SYT1: variants seen among roughly 807,000 people sequenced by gnomAD.
SYT1 encodes synaptotagmin-1.
SYT1 carries 8 observed loss-of-function variants against 44.8 expected under a neutral mutation model. That is an observed-to-expected ratio of 0.18 (90% CI 0.10 to 0.32). SYT1 has a LOEUF of 0.32. SYT1 is among the 10% of genes least tolerant of loss of function. SYT1 has a pLI of 1.00. For missense variants in SYT1, 286 were observed against 509.3 expected (o/e 0.56, Z 4.22); for synonymous variants, 154 against 188.8 (o/e 0.82, Z 1.51).
At chr12:79,129,316 GA>G in intron 3 of SYT1, among the ~76,000 whole-genome samples, 1 of 152,320 alleles carries the variant, frequency 6.6e-6, no homozygotes, top group Non-Finnish European at 1.5e-5. Flanking sequence ...GAAAGGCTAT[GA>G]GATGCAATGG....
chr12:79,115,050 A>C (rs1879205368), intron 3 of SYT1, among the ~76,000 whole-genome samples: 1 of 152,196 alleles, frequency 6.6e-6, no homozygotes, highest in Admixed American at 6.5e-5. Context: ...TTAAAGTTGA[A>C]AATGCTGCAA....
intron 2 of SYT1, among the ~76,000 whole-genome samples, chr12:79,013,234 G>C (rs1260208187): frequency 6.6e-6 from 1 of 151,350 alleles, no homozygotes; most frequent in Non-Finnish European, 1.5e-5. Context: ...ATTGTGTGTT[G>C]GTGTGTGTGT....
chr12:78,885,876 C>T (rs927752697), intron 1 of SYT1, among the ~76,000 whole-genome samples: 1 of 151,856 alleles, frequency 6.6e-6, no homozygotes, highest in East Asian at 1.9e-4. Context: ...AGGGTGGAAA[C>T]AAGAAGGGAA....
chr12:79,329,450 T>G (rs545677768), intron 8 of SYT1, among the ~76,000 whole-genome samples: 1 of 152,316 alleles, frequency 6.6e-6, no homozygotes, highest in East Asian at 1.9e-4. Context: ...TACACAAAGT[T>G]GGATAAAACA....
At chr12:79,406,212 T>C (rs1016752347) in intron 9 of SYT1, among the ~76,000 whole-genome samples, 4 of 152,106 alleles carry the variant, frequency 2.6e-5, no homozygotes, top group African/African-American at 9.7e-5. Context: ...GGACAGGTGG[T>C]CAGATACTTC....
At position 79,193,190 on chromosome 12, in the gene SYT1, C is replaced by T. The variant is rs950023895; in HGVS notation, c.-17-24313C>T. Among the ~76,000 whole-genome samples the T allele has an allele frequency of 2.6e-5, 4 of 152,262 alleles. No individual in the cohort carries two copies. The South Asian group carries it at 8.3e-4, about 32-fold the overall frequency. On this transcript the variant is annotated intron_variant, in intron 3 of 10. Coordinates refer to ENST00000261205, the MANE Select transcript of SYT1 (RefSeq NM_005639.3). The stretch of plus-strand genomic sequence containing the variant: ...TAGGGTTGAGCTAGACACTACCTAA[C>T]TCTCAAGGAGTTTACAGTATGACTT...
chr12:79,037,104 C>G (rs1468575335), intron 2 of SYT1, among the ~76,000 whole-genome samples: 1 of 151,818 alleles, frequency 6.6e-6, no homozygotes, highest in Non-Finnish European at 1.5e-5. Flanking sequence ...CAAAGCCCCC[C>G]CAGGTACAAT....
chr12:79,143,818 G>A (rs551140367), intron 3 of SYT1, among the ~76,000 whole-genome samples: 1 of 152,242 alleles, frequency 6.6e-6, no homozygotes, highest in Admixed American at 6.5e-5. Context: ...ACTGATTACA[G>A]GCCTGTGGTT....
At position 79,217,635 on chromosome 12, in the gene SYT1, C is replaced by T; in HGVS notation, c.116C>T (p.Ala39Val). 3.1e-6 allele frequency: 5 copies of T among 1,613,120 alleles called. No homozygotes were observed. The highest frequency in any genetic ancestry group is 4.2e-6 in the Non-Finnish European group (5 of 1,179,564). Residue 39 changes from alanine (A) to valine (V), a missense_variant, in exon 4 of 11, where the codon GCA (alanine) becomes GTA (valine). Physicochemically the swap from Ala to Val is moderately conservative, Grantham distance 64. Coordinates refer to ENST00000261205, the MANE Select transcript of SYT1 (RefSeq NM_005639.3). ...AGTCCTGGAGAAGGAAAGGAAGATG[C>T]ATTTTCTAAGCTGAAGGAGAAGTTT... Reference protein sequence around the residue: ...PASPGEGKEDAFSKLKEKFMN... With the variant: ...PASPGEGKEDVFSKLKEKFMN...
At chr12:79,073,854 TCTTCATATATA>T (rs1393256352) in intron 3 of SYT1, among the ~76,000 whole-genome samples, 2 of 152,168 alleles carry the variant, frequency 1.3e-5, no homozygotes, top group African/African-American at 4.8e-5. Flanking sequence ...CACCTATCTG[TCTTCATATATA>T]GCTTACTTAT....
chr12:78,909,819 G>A (rs1006951641), intron 1 of SYT1, among the ~76,000 whole-genome samples: 4 of 151,932 alleles, frequency 2.6e-5, no homozygotes, highest in Middle Eastern at 3.4e-3. Context: ...TACTGCAATC[G>A]AATACCATGT....
intron 1 of SYT1, among the ~76,000 whole-genome samples, chr12:78,920,944 G>C (rs1360776481): frequency 6.6e-6 from 1 of 151,728 alleles, no homozygotes; most frequent in African/African-American, 2.4e-5. Context: ...TCAGACTTGA[G>C]TCCATAGTTT....
At chr12:79,439,790 A>T (rs1870298338) in intron 9 of SYT1, among the ~76,000 whole-genome samples, 1 of 152,184 alleles carries the variant, frequency 6.6e-6, no homozygotes, top group African/African-American at 2.4e-5. Flanking sequence ...AGCTAGAAAA[A>T]AGCAGAGCCA....
rs545728394 is a variant in SYT1 at position 79,218,690 on chromosome 12, C to T, written c.166+1005C>T. 2.6e-5 allele frequency among the ~76,000 whole-genome samples: 4 copies of T among 152,252 alleles called. 1 individual carries two copies. The highest frequency in any genetic ancestry group is 4.1e-4 in the South Asian group (2 of 4,828). On this transcript the variant is annotated intron_variant, in intron 4 of 10. Coordinates refer to ENST00000261205, the MANE Select transcript of SYT1 (RefSeq NM_005639.3). ...TTCACCAGGTTCATTCATGTTGTCA[C>T]GAATACCACGATTTCATTTTTTTAT...
At chr12:79,106,445 A>T (rs145866331) in intron 3 of SYT1, among the ~76,000 whole-genome samples, 78 of 152,212 alleles carry the variant, frequency 5.1e-4, no homozygotes, top group African/African-American at 1.9e-3. Flanking sequence ...AAACATTTTA[A>T]CTCAGATATT....
intron 5 of SYT1, among the ~76,000 whole-genome samples, chr12:79,289,520 A>G (rs1228002524): frequency 1.3e-5 from 2 of 152,204 alleles, no homozygotes; most frequent in Admixed American, 6.6e-5. Flanking sequence ...ATAATTGCAG[A>G]GATGGTCCTG....
intron 1 of SYT1, among the ~76,000 whole-genome samples, chr12:78,882,462 C>T (rs1199610420): frequency 6.6e-6 from 1 of 151,604 alleles, no homozygotes; most frequent in Non-Finnish European, 1.5e-5. Context: ...ATGGCTGACT[C>T]TTTAAAAATA....
rs912726543 is a variant in SYT1 at position 79,299,376 on chromosome 12, T to C, written c.643-8T>C. On this transcript the variant is annotated splice_region_variant and splice_polypyrimidine_tract_variant and intron_variant, in intron 7 of 10. Transcript: ENST00000261205. The stretch of plus-strand genomic sequence containing the variant: ...CTGGATATTTTATCCTCATGTCTTT[T>C]AATTTAGGTACCATACTCGGAATTG... The C allele has an allele frequency of 1.2e-6, 2 of 1,611,902 alleles. No homozygotes were observed. The highest frequency in any genetic ancestry group is 1.7e-4 in the Middle Eastern group (1 of 6,044).
intron 3 of SYT1, among the ~76,000 whole-genome samples, chr12:79,056,174 T>G (rs1429696854): frequency 6.6e-6 from 1 of 152,022 alleles, no homozygotes; most frequent in Non-Finnish European, 1.5e-5. Flanking sequence ...TTTCTCAGGA[T>G]GTACCCCTGT....
Sources: gnomAD v4.1 joint callset for allele counts (sites outside exome capture counted in the v4.1 genomes callset) on GRCh38, gnomAD v4.1.1 for gene constraint, MANE v1.5 for transcripts, NCBI Gene and HGNC (gene_info 2026-07-23, HGNC 2026-07-21) for gene names.